Variants in SYNDIG1 observed in about 807,000 individuals in gnomAD.
The protein encoded by SYNDIG1 is synapse differentiation-inducing gene protein 1.
In SYNDIG1, 9 loss-of-function variants were observed where a neutral mutation model predicts 19.4. The observed-to-expected ratio is 0.46, with a 90% CI of 0.28 to 0.81. The LOEUF is 0.81. Among genes scored for constraint, SYNDIG1 ranks in the 30% least tolerant of loss-of-function variants. SYNDIG1 has a pLI of 0.12. For missense variants in SYNDIG1, 311 were observed against 343.3 expected, an observed-to-expected ratio of 0.91 and a Z score of 0.74; for synonymous variants, 141 against 145.9, an observed-to-expected ratio of 0.97 and a Z score of 0.24.
At position 24,658,748 on chromosome 20, in the gene SYNDIG1, C is replaced by T. The variant is rs773076398; in HGVS notation, c.619-6598C>T. Among the ~76,000 whole-genome samples the T allele has an allele frequency of 2.2e-4, 33 of 152,142 alleles. No individual in the cohort carries two copies. The highest frequency in any genetic ancestry group is 4.3e-4 in the Non-Finnish European group (29 of 68,032). On this transcript the variant is annotated intron_variant, in intron 3 of 3. Transcript: ENST00000376862. This position sits in a 1 kb window ranked among gnomAD's most constrained non-coding sequence, Gnocchi z 4.4. ...GCAACGCCCAGAGCTTCGTTTCAGG[C>T]GTTCACCACAGGCTCTTCTCCCAGC...
rs1568587870 is a variant in SYNDIG1 at position 24,500,510 on chromosome 20, CTTT to C, written c.-79+30758_-79+30760del. The stretch of plus-strand genomic sequence containing the variant: ...TCTTTCTTTCTTTCTTTCTTTCTTT[CTTT>C]CTTTCTTTCTTTCTTTCTTCTTTCT... On this transcript the variant is annotated intron_variant, in intron 1 of 3. Transcript: ENST00000376862. Among the ~76,000 whole-genome samples, 36 of 135,904 alleles carry C rather than the reference CTTT, an allele frequency of 2.6e-4. No individual in the cohort carries two copies. In the South Asian group the frequency reaches 4.7e-3, roughly 18 times the overall value. 89.2% of individuals were successfully genotyped at this position (135,904 alleles called of 152,430 possible). A position where few individuals can be genotyped will look rare whatever the true frequency, so the allele number is the denominator to read the frequency against.
At chr20:24,489,464 C>T (rs6036819) in intron 1 of SYNDIG1, among the ~76,000 whole-genome samples, 2 of 144,376 alleles carry the variant, frequency 1.4e-5, no homozygotes, top group Admixed American at 6.7e-5. Flanking sequence ...TGCACACAGA[C>T]ACATACGTGC....
intron 3 of SYNDIG1, among the ~76,000 whole-genome samples, chr20:24,656,876 G>A (rs760939948): frequency 1.7e-4 from 26 of 152,228 alleles, no homozygotes; most frequent in Non-Finnish European, 3.8e-4. Context: ...GTTGGGGCCT[G>A]GTGGGAAGTG....
chr20:24,584,334 T>C (rs2058377409), intron 2 of SYNDIG1, among the ~76,000 whole-genome samples: 1 of 152,234 alleles, frequency 6.6e-6, no homozygotes, highest in Non-Finnish European at 1.5e-5. Flanking sequence ...CACATCAGCC[T>C]TGCCTTGTCC....
rs1192006468 is a variant in SYNDIG1, at chr20:24,558,576, G to GTAAAC, written c.480+14999_480+15000insTAAAC. 1.9e-3 allele frequency among the ~76,000 whole-genome samples: 289 copies of GTAAAC among 152,214 alleles called. 2 individuals are homozygous for GTAAAC. Among genetic ancestry groups the GTAAAC allele is most frequent in the African/African-American group, 6.7e-3 (280 of 41,534 alleles). ...TCTGCCATTTTGATTTTTGTTTTCT[G>GTAAAC]CATGTATCCTGGTTTAGTAGTTATT... On this transcript the variant is annotated intron_variant, in intron 2 of 3. Transcript: ENST00000376862.
Position 24,657,227 on chromosome 20 carries a change from G to A in SYNDIG1, c.619-8119G>A, listed in dbSNP as rs1036369739. Among the ~76,000 whole-genome samples, 4 of 152,232 alleles carry A rather than the reference G, an allele frequency of 2.6e-5. No homozygotes were observed. The South Asian group carries it at 8.3e-4, about 32-fold the overall frequency. On this transcript the variant is annotated intron_variant, in intron 3 of 3. Coordinates refer to ENST00000376862, the MANE Select transcript of SYNDIG1 (RefSeq NM_024893.3). ...AACACAGCCAGCAAATGGAGTAAAT[G>A]ATAGCAGCTGCCCGGTCCAGCAGCA...
chr20:24,531,552 G>T (rs2146631947), intron 1 of SYNDIG1, among the ~76,000 whole-genome samples: 1 of 152,072 alleles, frequency 6.6e-6, no homozygotes, highest in Admixed American at 6.5e-5. Context: ...TTGCAATCCT[G>T]GTTCCCAAAA....
intron 1 of SYNDIG1, among the ~76,000 whole-genome samples, chr20:24,493,822 G>A (rs2056224183): frequency 6.6e-6 from 1 of 152,196 alleles, no homozygotes. Flanking sequence ...GCATGGCCGG[G>A]TGCTGGAGTC....
intron 1 of SYNDIG1, among the ~76,000 whole-genome samples, chr20:24,480,599 T>A (rs1204025672): frequency 6.6e-6 from 1 of 152,208 alleles, no homozygotes; most frequent in East Asian, 1.9e-4. Context: ...AGATTTGCCA[T>A]ATGATCCAGC....
chr20:24,580,765 G>T (rs73343402), intron 2 of SYNDIG1, among the ~76,000 whole-genome samples: 3,110 of 152,192 alleles, frequency 0.02, 106 homozygotes, highest in African/African-American at 0.071. Flanking sequence ...ATGTCATCTA[G>T]CCTCAGCTTG....
chr20:24,648,042 T>A lies in SYNDIG1; in HGVS notation c.619-17304T>A, dbSNP rs571677655. Among the ~76,000 whole-genome samples the A allele has an allele frequency of 4.1e-3, 622 of 152,164 alleles. 4 individuals carry two copies. Among genetic ancestry groups the A allele is most frequent in the South Asian group, 0.012 (60 of 4,814 alleles). ...CCTGTGTCTTCTGTTCTTAGAAGGG[T>A]ACTCATCCCATCCTGAGGGTTTCAG... On this transcript the variant is annotated intron_variant, in intron 3 of 3. Transcript: ENST00000376862.
intron 3 of SYNDIG1, among the ~76,000 whole-genome samples, chr20:24,585,565 C>T (rs1280147185): frequency 2.0e-5 from 3 of 152,188 alleles, no homozygotes; most frequent in Non-Finnish European, 4.4e-5. Flanking sequence ...CTAAAGGTTT[C>T]GATTCCCAGC....
intron 1 of SYNDIG1, among the ~76,000 whole-genome samples, chr20:24,487,044 A>G (rs912620091): frequency 3.3e-4 from 48 of 143,514 alleles, no homozygotes; most frequent in African/African-American, 1.2e-3. Context: ...TCACGGGCCA[A>G]GGTTGGGGGG....
chr20:24,545,092 G>A (rs1343604369), intron 2 of SYNDIG1, among the ~76,000 whole-genome samples: 3 of 152,234 alleles, frequency 2.0e-5, no homozygotes, highest in African/African-American at 7.2e-5. Flanking sequence ...GAGACCAGAG[G>A]ATCAGGATTG....
chr20:24,514,944 C>T (rs374720283), intron 1 of SYNDIG1, among the ~76,000 whole-genome samples: 4 of 152,242 alleles, frequency 2.6e-5, no homozygotes, highest in South Asian at 2.1e-4. Flanking sequence ...CACAGTGCAA[C>T]CAAACTAGAA....
chr20:24,621,280 AG>A (rs1395189235), intron 3 of SYNDIG1, among the ~76,000 whole-genome samples: 1 of 152,242 alleles, frequency 6.6e-6, no homozygotes, highest in African/African-American at 2.4e-5. Context: ...GTGTTGGGAA[AG>A]CTTATCTATT....
chr20:24,517,403 C>T (rs914008776), intron 1 of SYNDIG1, among the ~76,000 whole-genome samples: 2 of 150,462 alleles, frequency 1.3e-5, no homozygotes, highest in African/African-American at 4.9e-5. Flanking sequence ...ATCACAAGGT[C>T]AGGAGATCGA....
chr20:24,533,664 C>T (rs1031558493), intron 1 of SYNDIG1, among the ~76,000 whole-genome samples: 3 of 152,040 alleles, frequency 2.0e-5, no homozygotes, highest in Admixed American at 6.6e-5. Flanking sequence ...CACCAGCCTC[C>T]GAGCTGTCCC....
chr20:24,656,827 C>T (rs1373746049), intron 3 of SYNDIG1, among the ~76,000 whole-genome samples: 1 of 152,240 alleles, frequency 6.6e-6, no homozygotes, highest in Non-Finnish European at 1.5e-5. Flanking sequence ...TGTTTATCCC[C>T]TCCGAATCTC....
Sources: allele counts gnomAD v4.1 joint callset (sites outside exome capture counted in the v4.1 genomes callset), GRCh38; gene constraint gnomAD v4.1.1; non-coding constraint Gnocchi (gnomAD v3.1); transcripts MANE v1.5; gene names NCBI Gene and HGNC (gene_info 2026-07-23, HGNC 2026-07-21).